DCC: variants seen among roughly 807,000 people sequenced by gnomAD.
DCC encodes the protein netrin receptor DCC.
In DCC, 58 loss-of-function variants were observed where a neutral mutation model predicts 172.5. The observed-to-expected ratio is 0.34, with a 90% CI of 0.27 to 0.42. The LOEUF is 0.42. Among genes scored for constraint, DCC ranks in the 10% least tolerant of loss-of-function variants. The pLI, the probability that DCC is intolerant of heterozygous loss-of-function variation, is 1.00. For missense variants in DCC, 1,740 were observed against 1,791.0 expected (o/e 0.97, Z 0.51); for synonymous variants, 709 against 644.5 (o/e 1.10, Z -1.52).
At chr18:52,435,138 C>A (rs1202267516) in intron 1 of DCC, among the ~76,000 whole-genome samples, 1 of 152,168 alleles carries the variant, frequency 6.6e-6, no homozygotes, top group African/African-American at 2.4e-5. Flanking sequence ...AATGCTGGTG[C>A]CTTTTCAATC....
At position 53,397,215 on chromosome 18, in the gene DCC, G is replaced by A. The variant is rs1909007810; in HGVS notation, c.2689-93G>A. The A allele has an allele frequency of 4.1e-6, 5 of 1,213,848 alleles. No individual in the cohort carries two copies. The South Asian group carries it at 6.2e-5, about 15-fold the overall frequency. 75.2% of individuals were successfully genotyped at this position (1,213,848 alleles called of 1,614,324 possible). ...TGCTGTTTGGGAGTAGATTACTTTTGTGTTAGCTTATTTAATAGTCTTTTT... is the reference window on the plus strand; with the variant it reads ...TGCTGTTTGGGAGTAGATTACTTTTATGTTAGCTTATTTAATAGTCTTTTT... On this transcript the variant is annotated intron_variant, in intron 17 of 28. Transcript: ENST00000442544.
intron 12 of DCC, among the ~76,000 whole-genome samples, chr18:53,288,170 T>C (rs1222702419): frequency 2.0e-5 from 3 of 152,168 alleles, no homozygotes; most frequent in East Asian, 1.9e-4. Flanking sequence ...AAAAAAGTAA[T>C]TCAAGGTCTC....
At chr18:52,590,847 T>C (rs1254583911) in intron 1 of DCC, among the ~76,000 whole-genome samples, 1 of 152,156 alleles carries the variant, frequency 6.6e-6, no homozygotes, top group Non-Finnish European at 1.5e-5. Context: ...CAAAAAGGAG[T>C]TTATAATCTG....
chr18:53,032,133 A>G (rs758458306), intron 5 of DCC, among the ~76,000 whole-genome samples: 1 of 152,136 alleles, frequency 6.6e-6, no homozygotes, highest in Non-Finnish European at 1.5e-5. Flanking sequence ...ACATACTTTC[A>G]TCTTTTTGAA....
At chr18:53,060,195 G>GTTT (rs1454115824) in intron 5 of DCC, among the ~76,000 whole-genome samples, 1 of 151,914 alleles carries the variant, frequency 6.6e-6, no homozygotes, top group Non-Finnish European at 1.5e-5. Context: ...TGTTGTTGTT[G>GTTT]TTGTTGTTGC....
intron 5 of DCC, among the ~76,000 whole-genome samples, chr18:52,950,691 G>T (rs1463762975): frequency 6.6e-6 from 1 of 151,890 alleles, no homozygotes; most frequent in African/African-American, 2.4e-5. Flanking sequence ...TTGGGAGGCC[G>T]AGGGGGGTGG....
chr18:52,856,638 A>AAG (rs1555673736), intron 2 of DCC, among the ~76,000 whole-genome samples: 3 of 150,236 alleles, frequency 2.0e-5, no homozygotes, highest in African/African-American at 2.5e-5. Context: ...AAAAAAAAAA[A>AAG]AAAAAGAAAA....
At chr18:53,128,131 C>A (rs117589400) in intron 7 of DCC, among the ~76,000 whole-genome samples, 19 of 152,178 alleles carry the variant, frequency 1.2e-4, no homozygotes, top group Non-Finnish European at 2.4e-4. Flanking sequence ...ATGAATAAAC[C>A]TAAGGTCACA....
chr18:52,820,826 G>C (rs1309458822), intron 2 of DCC, among the ~76,000 whole-genome samples: 1 of 152,106 alleles, frequency 6.6e-6, no homozygotes, highest in East Asian at 1.9e-4. Context: ...TTAGAAGTTA[G>C]GAATTCAGGG....
At chr18:52,428,086 T>C (rs16954990) in intron 1 of DCC, among the ~76,000 whole-genome samples, 199 of 152,116 alleles carry the variant, frequency 1.3e-3, no homozygotes, top group African/African-American at 4.5e-3. Flanking sequence ...TCAATCTCTT[T>C]AAAAAATCTT....
At chr18:52,598,639 C>T (rs548042200) in intron 1 of DCC, among the ~76,000 whole-genome samples, 2 of 152,330 alleles carry the variant, frequency 1.3e-5, no homozygotes, top group Admixed American at 1.3e-4. Context: ...TTCTGCGGAT[C>T]ATAGCCCATG....
At chr18:52,650,987 T>G (rs185771767) in intron 1 of DCC, among the ~76,000 whole-genome samples, 1 of 152,302 alleles carries the variant, frequency 6.6e-6, no homozygotes, top group African/African-American at 2.4e-5. Context: ...TACCCTAAAT[T>G]ATTAAAAGCA....
intron 1 of DCC, among the ~76,000 whole-genome samples, chr18:52,417,344 T>C (rs1987075043): frequency 6.6e-6 from 1 of 152,098 alleles, no homozygotes; most frequent in Non-Finnish European, 1.5e-5. Context: ...CAGACAATTA[T>C]GTGTCTTGGA....
At chr18:52,897,757 A>C (rs2039752131) in intron 2 of DCC, among the ~76,000 whole-genome samples, 1 of 152,156 alleles carries the variant, frequency 6.6e-6, no homozygotes, top group Non-Finnish European at 1.5e-5. Flanking sequence ...GCTTACCAGG[A>C]CTTCCTTTGC....
chr18:52,821,098 C>T (rs1266950502), intron 2 of DCC, among the ~76,000 whole-genome samples: 3 of 152,078 alleles, frequency 2.0e-5, no homozygotes, highest in East Asian at 1.9e-4. Context: ...TTCTTCTTTC[C>T]TCTTCCTTAT....
In DCC at chr18:52,773,321, A is replaced by G. The variant is rs150853056; in HGVS notation, c.412+20947A>G. Among the ~76,000 whole-genome samples the G allele has an allele frequency of 7.4e-3, 1,125 of 152,286 alleles. 14 individuals are homozygous for G. Among genetic ancestry groups the G allele is most frequent in the African/African-American group, 0.026 (1,065 of 41,552 alleles). On this transcript the variant is annotated intron_variant, in intron 2 of 28. Coordinates refer to ENST00000442544, the MANE Select transcript of DCC (RefSeq NM_005215.4). ...ATTACAACAATTTTGTTATCTGAAC[A>G]TTGAGTAAGTTAGTAGCCACAACGA...
intron 20 of DCC, 58 bp downstream of exon 20, chr18:53,410,704 T>G: frequency 9.1e-7 from 1 of 1,094,932 alleles, no homozygotes; most frequent in Non-Finnish European, 1.4e-6. Context: ...TAAAATAGCT[T>G]TGCACTCTGT....
At chr18:53,058,978 AAAGAGGTTT>A (rs2144065365) in intron 5 of DCC, among the ~76,000 whole-genome samples, 1 of 152,166 alleles carries the variant, frequency 6.6e-6, no homozygotes, top group Admixed American at 6.5e-5. Flanking sequence ...TTTATAAAGG[AAAGAGGTTT>A]AATTGACTCA....
chr18:52,918,360 T>A lies in DCC; in HGVS notation c.698-5347T>A, dbSNP rs568538201. ...TCATCATGGTTCCATTAAAATCAAT[T>A]TAGTCAACAAGACTCACAACCTAGA... is the stretch of plus-strand genomic sequence containing the variant. On this transcript the variant is annotated intron_variant, in intron 3 of 28. Transcript: ENST00000442544. Among the ~76,000 whole-genome samples the A allele has an allele frequency of 2.0e-5, 3 of 152,286 alleles. No individual in the cohort carries two copies. In the South Asian group the frequency reaches 6.2e-4, roughly 32 times the overall value.
Sources: gnomAD v4.1 joint callset for allele counts (sites outside exome capture counted in the v4.1 genomes callset) on GRCh38, gnomAD v4.1.1 for gene constraint, MANE v1.5 for transcripts, NCBI Gene and HGNC (gene_info 2026-07-23, HGNC 2026-07-21) for gene names.